Variants in SSR1 observed in about 807,000 individuals in gnomAD.
SSR1 encodes translocon-associated protein subunit alpha.
Under a neutral mutation model 36.1 loss-of-function variants are expected in SSR1, and 13 were observed. The observed-to-expected ratio is 0.36, with a 90% CI of 0.23 to 0.57. The LOEUF (loss-of-function observed/expected upper bound fraction) is 0.57. Ranked by LOEUF, SSR1 falls within the 20% of genes least tolerant of loss-of-function variation. The probability of loss-of-function intolerance (pLI) is 0.81; values close to 1 mark genes in which losing one functional copy is unlikely to be tolerated. For missense variants in SSR1, 291 were observed against 338.5 expected (o/e 0.86, Z 1.10); for synonymous variants, 113 against 118.9 (o/e 0.95, Z 0.32).
intron 2 of SSR1, among the ~76,000 whole-genome samples, chr6:7,303,924 T>C (rs1490189962): frequency 2.6e-5 from 4 of 152,100 alleles, no homozygotes; most frequent in Admixed American, 2.0e-4. Flanking sequence ...GAGGTAGAGG[T>C]TGTATGAGCT....
At chr6:7,292,554 CT>C (rs112946288) in intron 7 of SSR1, among the ~76,000 whole-genome samples, 3 of 151,680 alleles carry the variant, frequency 2.0e-5, no homozygotes, top group African/African-American at 7.3e-5. Flanking sequence ...CCTTTCTTTT[CT>C]TTTTTTTCTC....
chr6:7,311,268 CATT>C (rs1758189755), intron 1 of SSR1, among the ~76,000 whole-genome samples: 1 of 151,214 alleles, frequency 6.6e-6, no homozygotes, highest in Non-Finnish European at 1.5e-5. Flanking sequence ...AAGTAAGTCA[CATT>C]ATATCTATTT....
chr6:7,293,309 A>C (rs1983851), intron 7 of SSR1, among the ~76,000 whole-genome samples: 17,353 of 151,948 alleles, frequency 0.11, 1,331 homozygotes, highest in Non-Finnish European at 0.17. Flanking sequence ...AGCTGTGTAT[A>C]CGATAACCCA....
Position 7,287,540 on chromosome 6 carries a change from T to C in SSR1, c.*2324A>G, listed in dbSNP as rs1242407014. 3 of 152,186 alleles carry C rather than the reference T, an allele frequency of 2.0e-5. No individual in the cohort carries two copies. The highest frequency in any genetic ancestry group is 2.0e-4 in the Admixed American group (3 of 15,270). The allele number at this position is 152,186 out of a possible 1,614,324, so 9.4% of individuals were successfully genotyped here. A position where few individuals can be genotyped will look rare whatever the true frequency, so the allele number is the denominator to read the frequency against. ...GAAAGTCACCAGCTATGTAAGACCATGAAGTAAATGAGGAAGCTATACAAC... is the reference window on the plus strand; with the variant it reads ...GAAAGTCACCAGCTATGTAAGACCACGAAGTAAATGAGGAAGCTATACAAC... On this transcript the variant is annotated 3_prime_UTR_variant, in exon 8 of 8. Coordinates refer to ENST00000244763, the MANE Select transcript of SSR1 (RefSeq NM_003144.5).
Position 7,282,613 on chromosome 6 carries a change from G to A in SSR1, c.*7251C>T, listed in dbSNP as rs1757451871. ...TCACAGATGCTTACTGGTGGTTCCT[G>A]AAATGAGTATTTCTAGGCAGGGGGC... On this transcript the variant is annotated 3_prime_UTR_variant, in exon 8 of 8. Coordinates refer to ENST00000244763, the MANE Select transcript of SSR1 (RefSeq NM_003144.5). The A allele has an allele frequency of 6.6e-6, 1 of 152,272 alleles. No homozygotes were observed. Among genetic ancestry groups the A allele is most frequent in the Non-Finnish European group, 1.5e-5 (1 of 68,070 alleles). The allele number at this position is 152,272 out of a possible 1,614,324, so 9.4% of individuals were successfully genotyped here.
chr6:7,284,902 G>A lies in SSR1; in HGVS notation c.*4962C>T, dbSNP rs929490291. 3.3e-5 allele frequency: 5 copies of A among 152,056 alleles called. No individual in the cohort carries two copies. Among genetic ancestry groups the A allele is most frequent in the Non-Finnish European group, 5.9e-5 (4 of 68,016 alleles). 9.4% of individuals were successfully genotyped at this position (152,056 alleles called of 1,614,324 possible). ...AAGGATGAACTGCCTTTGCTTAGTGGCCAGGGCACTGTCAAGACCCAGAGG... is the reference window on the plus strand; with the variant it reads ...AAGGATGAACTGCCTTTGCTTAGTGACCAGGGCACTGTCAAGACCCAGAGG... On this transcript the variant is annotated 3_prime_UTR_variant, in exon 8 of 8. Coordinates refer to ENST00000244763, the MANE Select transcript of SSR1 (RefSeq NM_003144.5).
At chr6:7,309,416 C>T (rs964847115) in intron 2 of SSR1, among the ~76,000 whole-genome samples, 2 of 152,192 alleles carry the variant, frequency 1.3e-5, no homozygotes, top group South Asian at 2.1e-4. Context: ...GAGCTATGCT[C>T]GTGCCACTGC....
In SSR1 at chr6:7,282,750, T is replaced by C. The variant is rs1335649882; in HGVS notation, c.*7114A>G. 2 of 152,256 alleles carry C rather than the reference T, an allele frequency of 1.3e-5. No individual in the cohort carries two copies. The highest frequency in any genetic ancestry group is 3.9e-4 in the East Asian group (2 of 5,194). The allele number at this position is 152,256 out of a possible 1,614,324, so 9.4% of individuals were successfully genotyped here. A position where few individuals can be genotyped will look rare whatever the true frequency, so the allele number is the denominator to read the frequency against. On this transcript the variant is annotated 3_prime_UTR_variant, in exon 8 of 8. Transcript: ENST00000244763. ...CTGTGTCTGCAGGCTCAGCCTCCTC[T>C]AGATCTGATTCCCACAGTGGAGGGA...
At chr6:7,302,148 C>CA (rs1561833160) in intron 3 of SSR1, among the ~76,000 whole-genome samples, 1 of 152,144 alleles carries the variant, frequency 6.6e-6, no homozygotes, top group Non-Finnish European at 1.5e-5. Flanking sequence ...GCATAAAGTT[C>CA]AAAAGCACAT....
At chr6:7,290,918 G>C (rs1366941462) in intron 7 of SSR1, among the ~76,000 whole-genome samples, 2 of 151,532 alleles carry the variant, frequency 1.3e-5, no homozygotes, top group African/African-American at 2.4e-5. Flanking sequence ...TTTTGAGACA[G>C]AGTCTCACTC....
At position 7,289,931 on chromosome 6, in the gene SSR1, T is replaced by C. The variant is rs781695590; in HGVS notation, c.794A>G (p.Asn265Ser). Residue 265 changes from asparagine (N) to serine (S), a missense_variant and splice_region_variant, in exon 8 of 8, where the codon AAT (asparagine) becomes AGT (serine). Transcript: ENST00000244763. ...GGGCAACCTTCTTGGTGAAGCTTTA[T>C]CTGGAAGAAAAGAGAAAGTTTTAAG... The part of the protein sequence containing the change: ...WIPQETLNQI[N>S]KASPRRLPRK... 8 of 1,538,208 alleles carry C rather than the reference T, an allele frequency of 5.2e-6. No homozygotes were observed. The highest frequency in any genetic ancestry group is 6.9e-6 in the Non-Finnish European group (8 of 1,154,526).
At chr6:7,298,333 T>A (rs978018360) in intron 5 of SSR1, among the ~76,000 whole-genome samples, 2 of 152,196 alleles carry the variant, frequency 1.3e-5, no homozygotes, top group African/African-American at 4.8e-5. Flanking sequence ...TTACCTTAAG[T>A]GAATTATATA....
At chr6:7,306,921 G>A (rs1758078291) in intron 2 of SSR1, among the ~76,000 whole-genome samples, 2 of 117,548 alleles carry the variant, frequency 1.7e-5, no homozygotes. Context: ...TGTCTGGGTG[G>A]TGGGGGGGTG....
chr6:7,312,264 A>T (rs1373947832), intron 1 of SSR1, among the ~76,000 whole-genome samples: 1 of 152,088 alleles, frequency 6.6e-6, no homozygotes, highest in African/African-American at 2.4e-5. Flanking sequence ...TGAAAGAATA[A>T]ATCTATGTAT....
chr6:7,286,389 G>A lies in SSR1; in HGVS notation c.*3475C>T, dbSNP rs1243080964. ...CCCGAAATAAATTATTTAGATGTTT[G>A]CAAGTCAGCTGCAAGGTGTTCTTCC... On this transcript the variant is annotated 3_prime_UTR_variant, in exon 8 of 8. Transcript: ENST00000244763. The A allele has an allele frequency of 1.3e-5, 2 of 152,330 alleles. No individual in the cohort carries two copies. The highest frequency in any genetic ancestry group is 3.4e-3 in the Middle Eastern group (1 of 294). The allele number at this position is 152,330 out of a possible 1,614,324, so 9.4% of individuals were successfully genotyped here.
intron 1 of SSR1, 66 bp from the exon 2 acceptor site, chr6:7,310,095 T>A: frequency 1.4e-6 from 2 of 1,392,422 alleles, no homozygotes; most frequent in Non-Finnish European, 2.0e-6. Flanking sequence ...TTTTTTAACA[T>A]CAGGTATAGG....
In SSR1 at chr6:7,313,184, G is replaced by A; in HGVS notation, c.-64C>T. On this transcript the variant is annotated 5_prime_UTR_variant, in exon 1 of 8. Transcript: ENST00000244763. ...GCTCTCGGCGGCTCCGGCGGTAATG[G>A]CGTTACTCTTCATCCGGGCTCCGGG... 6.8e-7 allele frequency: 1 copy of A among 1,462,642 alleles called. No homozygotes were observed. The highest frequency in any genetic ancestry group is 9.3e-7 in the Non-Finnish European group (1 of 1,078,470). 90.6% of individuals were successfully genotyped at this position (1,462,642 alleles called of 1,614,324 possible).
intron 3 of SSR1, among the ~76,000 whole-genome samples, chr6:7,302,365 C>T (rs1476872185): frequency 2.6e-5 from 4 of 152,180 alleles, no homozygotes; most frequent in Non-Finnish European, 5.9e-5. Flanking sequence ...AACTTCAGTT[C>T]GACAATGACT....
At chr6:7,301,160 G>T (rs1757924700) in intron 4 of SSR1, 150 bp downstream of exon 4, 7 of 961,060 alleles carry the variant, frequency 7.3e-6, no homozygotes, top group South Asian at 1.7e-5. Flanking sequence ...ACTTGAAGAA[G>T]AAACGTGCAA....
Sources: gnomAD v4.1 joint callset for allele counts (sites outside exome capture counted in the v4.1 genomes callset) on GRCh38, gnomAD v4.1.1 for gene constraint, MANE v1.5 for transcripts, NCBI Gene and HGNC (gene_info 2026-07-23, HGNC 2026-07-21) for gene names.